The following MKRN2OS variants were observed in gnomAD, a reference collection of about 807,000 sequenced individuals.
MKRN2OS encodes the protein MKRN2 opposite strand, also known as MKRN2 opposite strand protein.
Under a neutral mutation model 18.2 loss-of-function variants are expected in MKRN2OS, and 17 were observed. The observed-to-expected ratio is 0.93, with a 90% confidence interval of 0.64 to 1.40. The LOEUF is 1.40. Ranked by LOEUF, MKRN2OS falls within the 40% of genes most tolerant of loss-of-function variation. MKRN2OS has a pLI of 0.00. For missense variants in MKRN2OS, 337 were observed against 283.0 expected, an observed-to-expected ratio of 1.19 and a Z score of -1.37; for synonymous variants, 121 against 108.5, an observed-to-expected ratio of 1.12 and a Z score of -0.72.
chr3:12,542,912 T>C (rs1226374749), intron 2 of MKRN2OS, among the ~76,000 whole-genome samples: 1 of 152,070 alleles, frequency 6.6e-6, no homozygotes, highest in Admixed American at 6.6e-5. Context: ...TTCTTCCTCT[T>C]TTAAAAACCA....
intron 1 of MKRN2OS, among the ~76,000 whole-genome samples, chr3:12,560,261 A>G (rs1284757470): frequency 1.3e-5 from 2 of 152,186 alleles, no homozygotes; most frequent in African/African-American, 4.8e-5. Context: ...ACTGAGGCTC[A>G]GTGACTTAAA....
chr3:12,553,696 T>G (rs1400899396), downstream of MKRN2OS: 2 of 152,078 alleles, frequency 1.3e-5, no homozygotes, highest in Non-Finnish European at 2.9e-5. Flanking sequence ...GGAAAAGAAA[T>G]AAAAGATACA....
intron 1 of MKRN2OS, among the ~76,000 whole-genome samples, chr3:12,559,959 A>T (rs2058022782): frequency 1.3e-5 from 2 of 152,194 alleles, no homozygotes; most frequent in Non-Finnish European, 2.9e-5. Context: ...AAAGTCACAA[A>T]ACATGGGGGA....
chr3:12,557,289 A>T, intron 1 of MKRN2OS: 1 of 1,387,438 alleles, frequency 7.2e-7, no homozygotes, highest in Non-Finnish European at 9.6e-7. Context: ...TCGGAAAGTT[A>T]CTCGGCTGTT....
chr3:12,557,817 G>A (rs2057993548), intron 1 of MKRN2OS, among the ~76,000 whole-genome samples: 1 of 152,238 alleles, frequency 6.6e-6, no homozygotes, highest in Non-Finnish European at 1.5e-5. Context: ...AACTGAGACC[G>A]AAAGACGTTG....
downstream of MKRN2OS, among the ~76,000 whole-genome samples, chr3:12,551,494 C>CAA (rs11454728): frequency 1.8e-4 from 21 of 117,628 alleles, no homozygotes; most frequent in Admixed American, 5.9e-4. Flanking sequence ...GACTCCATCT[C>CAA]AAAAAAAAAA....
At chr3:12,557,284 A>G (rs112706793) in intron 1 of MKRN2OS, 77,236 of 1,417,344 alleles carry the variant, frequency 0.054, 2,477 homozygotes, top group Non-Finnish European at 0.063. Context: ...GGGACTCGGA[A>G]AGTTACTCGG....
At chr3:12,547,244 C>A (rs2057893606), upstream of MKRN2OS, among the ~76,000 whole-genome samples, 1 of 152,156 alleles carries the variant, frequency 6.6e-6, no homozygotes, top group Non-Finnish European at 1.5e-5. Context: ...ATGTTAGATT[C>A]TTTTAAAGCT....
downstream of MKRN2OS, among the ~76,000 whole-genome samples, chr3:12,550,700 C>A (rs2057923303): frequency 6.6e-6 from 1 of 152,166 alleles, no homozygotes; most frequent in South Asian, 2.1e-4. Flanking sequence ...GTCTCTTTTT[C>A]TGCCTTATGC....
At chr3:12,545,565 G>A (rs970843577), upstream of MKRN2OS, 3 of 902,360 alleles carry the variant, frequency 3.3e-6, no homozygotes, top group African/African-American at 5.0e-5. Context: ...CTGATCAATG[G>A]TGATGTCATC....
chr3:12,554,919 T>G (rs1462280272), intron 1 of MKRN2OS, among the ~76,000 whole-genome samples: 3 of 152,200 alleles, frequency 2.0e-5, no homozygotes, highest in Admixed American at 6.5e-5. Context: ...GACAGGAGAC[T>G]GAGACTTTTC....
chr3:12,540,119 T>G lies in MKRN2OS; in HGVS notation c.*74A>C, dbSNP rs2057772981. The stretch of plus-strand genomic sequence containing the variant: ...TTTTATTAACCACAGTTAAATGCAT[T>G]TAGAAATCCATAGTACTGATTAAAG... On this transcript the variant is annotated 3_prime_UTR_variant, in exon 4 of 4. Coordinates refer to ENST00000564146, the MANE Select transcript of MKRN2OS (RefSeq NM_001195279.2). The G allele has an allele frequency of 6.6e-7, 1 of 1,522,484 alleles. No individual in the cohort carries two copies. The highest frequency in any genetic ancestry group is 1.4e-5 in the African/African-American group (1 of 72,624). The allele number at this position is 1,522,484 out of a possible 1,614,324, so 94.3% of individuals were successfully genotyped here.
upstream of MKRN2OS, among the ~76,000 whole-genome samples, chr3:12,550,329 A>G (rs2057920583): frequency 6.6e-6 from 1 of 152,238 alleles, no homozygotes; most frequent in Admixed American, 6.5e-5. Flanking sequence ...GGAAGAAGCC[A>G]ATCTAAAAAG....
At chr3:12,558,078 A>G (rs186346406) in intron 1 of MKRN2OS, among the ~76,000 whole-genome samples, 2 of 152,324 alleles carry the variant, frequency 1.3e-5, no homozygotes, top group East Asian at 1.9e-4. Flanking sequence ...TCATTTAATA[A>G]TTTTTATGGG....
chr3:12,544,666 C>T (rs142990637), intron 1 of MKRN2OS, among the ~76,000 whole-genome samples: 3,900 of 141,772 alleles, frequency 0.028, 169 homozygotes, highest in African/African-American at 0.1. Flanking sequence ...GCAACAAGAG[C>T]GAAACTCTGT....
At chr3:12,543,312 C>T in intron 1 of MKRN2OS, 83 bp from the exon 2 acceptor site, 2 of 1,188,328 alleles carry the variant, frequency 1.7e-6, no homozygotes, top group Non-Finnish European at 2.4e-6. Flanking sequence ...GGATGCCGAG[C>T]ACAGTGGCTT....
At chr3:12,552,416 T>A (rs1465371387), downstream of MKRN2OS, among the ~76,000 whole-genome samples, 3 of 118,972 alleles carry the variant, frequency 2.5e-5, no homozygotes, top group Admixed American at 7.9e-5. Context: ...AATTTTTAAT[T>A]TTTTTTTTTT....
At chr3:12,556,481 A>G (rs573557599) in intron 1 of MKRN2OS, among the ~76,000 whole-genome samples, 1 of 152,330 alleles carries the variant, frequency 6.6e-6, no homozygotes, top group East Asian at 1.9e-4. Context: ...TCTGCAGGGT[A>G]TAGAGAGCTA....
chr3:12,540,020 G>A lies in MKRN2OS; in HGVS notation c.*173C>T, dbSNP rs374363932. 2.1e-5 allele frequency: 18 copies of A among 874,454 alleles called. No individual in the cohort carries two copies. In the South Asian group the frequency reaches 2.4e-4, roughly 12 times the overall value. 54.2% of individuals were successfully genotyped at this position (874,454 alleles called of 1,614,324 possible). On this transcript the variant is annotated 3_prime_UTR_variant, in exon 4 of 4. Transcript: ENST00000564146. ...GGCTGGTCTCAAACTCCCAACCTCA[G>A]GTGACCTACCTGTCTTAGCTTCCCA...
Sources: gnomAD v4.1 joint callset for allele counts (sites outside exome capture counted in the v4.1 genomes callset) on GRCh38, gnomAD v4.1.1 for gene constraint, MANE v1.5 for transcripts, NCBI Gene and HGNC (gene_info 2026-07-23, HGNC 2026-07-21) for gene names.